Variants in CDC42BPA observed in about 807,000 individuals in gnomAD.
The protein encoded by CDC42BPA is serine/threonine-protein kinase MRCK alpha.
In CDC42BPA, 80 loss-of-function variants were observed where a neutral mutation model predicts 223.5. The ratio of observed to expected loss-of-function variants is 0.36; its 90% confidence interval spans 0.30 to 0.43. The LOEUF is 0.43. CDC42BPA is among the 20% of genes least tolerant of loss of function. The pLI is 1.00. For missense variants in CDC42BPA, 1,743 were observed against 2,099.9 expected, an observed-to-expected ratio of 0.83 and a Z score of 3.32; for synonymous variants, 694 against 718.6, an observed-to-expected ratio of 0.97 and a Z score of 0.55.
intron 1 of CDC42BPA, among the ~76,000 whole-genome samples, chr1:227,267,602 T>A (rs149333562): frequency 6.6e-6 from 1 of 152,198 alleles, no homozygotes; most frequent in South Asian, 2.1e-4. Flanking sequence ...TACCTGAGAC[T>A]GGGTAATTTA....
At chr1:227,139,163 T>A (rs1353400801) in intron 10 of CDC42BPA, among the ~76,000 whole-genome samples, 1 of 152,206 alleles carries the variant, frequency 6.6e-6, no homozygotes, top group Admixed American at 6.5e-5. Context: ...AAAAAGTTTA[T>A]GTGTATGTGC....
intron 6 of CDC42BPA, 80 bp downstream of exon 6, chr1:227,160,463 G>A (rs1572051552): frequency 1.1e-6 from 1 of 919,364 alleles, no homozygotes; most frequent in East Asian, 2.4e-5. Flanking sequence ...ATAAATAGAT[G>A]GTTTCTAAAA....
chr1:227,019,159 C>T (rs529793565), intron 32 of CDC42BPA, among the ~76,000 whole-genome samples: 2 of 152,268 alleles, frequency 1.3e-5, no homozygotes, highest in East Asian at 1.9e-4. Flanking sequence ...GCCCTATCAC[C>T]TTAGTGTATG....
intron 1 of CDC42BPA, among the ~76,000 whole-genome samples, chr1:227,295,077 T>A (rs936824518): frequency 1.3e-5 from 2 of 152,034 alleles, no homozygotes; most frequent in Non-Finnish European, 2.9e-5. Flanking sequence ...TTTAAAAAAA[T>A]GTTGAGGCTA....
intron 2 of CDC42BPA, among the ~76,000 whole-genome samples, chr1:227,226,621 C>A (rs1217376456): frequency 6.6e-6 from 1 of 152,180 alleles, no homozygotes; most frequent in South Asian, 2.1e-4. Context: ...GAAGACCAGC[C>A]AAGAAATATT....
chr1:227,100,967 G>A (rs1288291832), intron 15 of CDC42BPA, 25 bp downstream of exon 15: 3 of 1,303,368 alleles, frequency 2.3e-6, no homozygotes, highest in South Asian at 1.3e-5. Flanking sequence ...AGTATTTACT[G>A]TATAGTAAAT....
At chr1:227,122,562 T>C (rs1233647844) in intron 11 of CDC42BPA, among the ~76,000 whole-genome samples, 1 of 152,214 alleles carries the variant, frequency 6.6e-6, no homozygotes, top group African/African-American at 2.4e-5. Flanking sequence ...TGTTAGAGAA[T>C]ATATGTCAAA....
chr1:227,026,223 C>A, intron 30 of CDC42BPA, 71 bp from the exon 31 acceptor site: 1 of 797,122 alleles, frequency 1.3e-6, no homozygotes, highest in East Asian at 2.6e-5. Context: ...TTTGAAAGGT[C>A]TACACTAAAT....
At chr1:227,187,458 A>T (rs1218393354) in intron 5 of CDC42BPA, among the ~76,000 whole-genome samples, 1 of 148,110 alleles carries the variant, frequency 6.8e-6, no homozygotes, top group Non-Finnish European at 1.5e-5. Flanking sequence ...AGAAACTTCA[A>T]AATGAAAAAA....
intron 35 of CDC42BPA, 49 bp from the exon 36 acceptor site, chr1:226,995,029 A>T: frequency 1.4e-5 from 22 of 1,545,270 alleles, no homozygotes; most frequent in Non-Finnish European, 1.9e-5. Context: ...AGGGGACAAT[A>T]CTCTAGAAAG....
At chr1:227,300,252 T>C (rs1164684505) in intron 1 of CDC42BPA, among the ~76,000 whole-genome samples, 1 of 152,222 alleles carries the variant, frequency 6.6e-6, no homozygotes, top group African/African-American at 2.4e-5. Context: ...TGGAAAACTG[T>C]ATGGAGATTT....
At chr1:227,021,133 TAACA>T (rs1433039010) in intron 32 of CDC42BPA, among the ~76,000 whole-genome samples, 1 of 152,148 alleles carries the variant, frequency 6.6e-6, no homozygotes, top group Non-Finnish European at 1.5e-5. Context: ...CAGATCACCG[TAACA>T]GACAGAATAA....
intron 21 of CDC42BPA, 116 bp downstream of exon 21, chr1:227,069,661 G>T: frequency 1.6e-6 from 1 of 640,402 alleles, no homozygotes; most frequent in Non-Finnish European, 2.7e-6. Context: ...GTTTATTTAA[G>T]ATTCTAGGTC....
At chr1:227,245,037 C>T (rs988870385) in intron 2 of CDC42BPA, among the ~76,000 whole-genome samples, 1 of 152,208 alleles carries the variant, frequency 6.6e-6, no homozygotes, top group Admixed American at 6.5e-5. Context: ...AGCATCACCA[C>T]TGCAGGCTGA....
chr1:227,182,812 G>A (rs932733589), intron 5 of CDC42BPA: 12 of 152,364 alleles, frequency 7.9e-5, no homozygotes, highest in African/African-American at 2.6e-4. Context: ...GCAAGCAGGT[G>A]TTAGAAGGTG....
At chr1:227,271,842 T>C (rs1272210411) in intron 1 of CDC42BPA, among the ~76,000 whole-genome samples, 1 of 152,182 alleles carries the variant, frequency 6.6e-6, no homozygotes, top group Non-Finnish European at 1.5e-5. Context: ...TCTCATTACA[T>C]GCCTTCTTTC....
chr1:227,286,052 T>A (rs1272431666), intron 1 of CDC42BPA, among the ~76,000 whole-genome samples: 1 of 152,164 alleles, frequency 6.6e-6, no homozygotes, highest in Non-Finnish European at 1.5e-5. Context: ...TTTCCCACTG[T>A]CTTAATATCG....
intron 35 of CDC42BPA, among the ~76,000 whole-genome samples, chr1:226,997,355 T>C (rs1030255959): frequency 2.0e-5 from 3 of 152,172 alleles, no homozygotes; most frequent in Non-Finnish European, 2.9e-5. Flanking sequence ...TCTTTTCTTA[T>C]TAGTCTGGCT....
chr1:227,035,812 C>G (rs930880135), intron 24 of CDC42BPA, among the ~76,000 whole-genome samples: 1 of 152,086 alleles, frequency 6.6e-6, no homozygotes, highest in African/African-American at 2.4e-5. Flanking sequence ...TAAAAAATTA[C>G]TTGTATTACT....
Sources: gnomAD v4.1 joint callset for allele counts (sites outside exome capture counted in the v4.1 genomes callset) on GRCh38, gnomAD v4.1.1 for gene constraint, MANE v1.5 for transcripts, NCBI Gene and HGNC (gene_info 2026-07-23, HGNC 2026-07-21) for gene names.